The following SMIM43 variants were observed in gnomAD, a reference collection of about 807,000 sequenced individuals.
The protein encoded by SMIM43 is Nodal Enhanced MEsendoderm Peptide.
Position 121,759,667 on chromosome 4 carries a change from T to C in SMIM43, c.*1307A>G, listed in dbSNP as rs1036290598. On this transcript the variant is annotated 3_prime_UTR_variant, in exon 6 of 6. Transcript: ENST00000643802. The stretch of plus-strand genomic sequence containing the variant: ...TTCTTTGCTTAGCTAGGATGTAGGC[T>C]GCTTATAGAAGCAGCTTTGAGAGGC... 1.6e-4 allele frequency: 24 copies of C among 152,364 alleles called. No individual in the cohort carries two copies. The highest frequency in any genetic ancestry group is 5.8e-4 in the African/African-American group (24 of 41,582). 9.4% of individuals were successfully genotyped at this position (152,364 alleles called of 1,614,324 possible).
chr4:121,763,912 G>A lies in SMIM43; in HGVS notation c.*98-40C>T, dbSNP rs184708944. 4 of 152,300 alleles carry A rather than the reference G, an allele frequency of 2.6e-5. No homozygotes were observed. The East Asian group carries it at 7.7e-4, about 29-fold the overall frequency. 9.4% of individuals were successfully genotyped at this position (152,300 alleles called of 1,614,324 possible). A position where few individuals can be genotyped will look rare whatever the true frequency, so the allele number is the denominator to read the frequency against. On this transcript the variant is annotated intron_variant, in intron 1 of 5. Coordinates refer to ENST00000643802, the MANE Select transcript of SMIM43 (RefSeq NM_001384332.1). ...GACATAAATCTAGGGAAAAGCTACT[G>A]AAGGATGAAGATATTTCCCAAACTA... is the stretch of plus-strand genomic sequence containing the variant.
In SMIM43 at chr4:121,764,613, G is replaced by T. The variant is rs549987677; in HGVS notation, c.*97+204C>A. 40 of 315,746 alleles carry T rather than the reference G, an allele frequency of 1.3e-4. No homozygotes were observed. The Admixed American group carries it at 1.8e-3, about 14-fold the overall frequency. The allele number at this position is 315,746 out of a possible 1,614,324, so 19.6% of individuals were successfully genotyped here. A position where few individuals can be genotyped will look rare whatever the true frequency, so the allele number is the denominator to read the frequency against. ...GTCCAAAGTCATTCCGGCTCCAAAG[G>T]GCGAATTCTCTTTTCGCCATCTCTC... On this transcript the variant is annotated intron_variant, in intron 1 of 5. Coordinates refer to ENST00000643802, the MANE Select transcript of SMIM43 (RefSeq NM_001384332.1).
chr4:121,760,695 T>C (rs897460756), intron 5 of SMIM43, among the ~76,000 whole-genome samples: 4 of 152,204 alleles, frequency 2.6e-5, no homozygotes, highest in Admixed American at 2.6e-4. Context: ...GTGTGATTTT[T>C]CATCTGAAAG....
At chr4:121,760,794 A>G (rs1159050649) in intron 5 of SMIM43, among the ~76,000 whole-genome samples, 2 of 152,206 alleles carry the variant, frequency 1.3e-5, no homozygotes, top group African/African-American at 4.8e-5. Context: ...GTCGCAGATA[A>G]TGGTTTTAGC....
At position 121,765,112 on chromosome 4, in the gene SMIM43, G is replaced by A; in HGVS notation, c.-7C>T. The stretch of plus-strand genomic sequence containing the variant: ...AGTTGAGTTCCCACTCCATGCTGGA[G>A]GCGCCGGCGCTCGCTGGCCCTGCGC... On this transcript the variant is annotated 5_prime_UTR_variant, in exon 1 of 6. Coordinates refer to ENST00000643802, the MANE Select transcript of SMIM43 (RefSeq NM_001384332.1). The A allele has an allele frequency of 2.5e-6, 1 of 397,138 alleles. No individual in the cohort carries two copies. Among genetic ancestry groups the A allele is most frequent in the Non-Finnish European group, 4.4e-6 (1 of 224,900 alleles). 24.6% of individuals were successfully genotyped at this position (397,138 alleles called of 1,614,324 possible). A position where few individuals can be genotyped will look rare whatever the true frequency, so the allele number is the denominator to read the frequency against.
At chr4:121,760,520 C>G in intron 5 of SMIM43, 46 bp from the exon 6 acceptor site, 1 of 1,482,704 alleles carries the variant, frequency 6.7e-7, no homozygotes, top group South Asian at 1.4e-5. Flanking sequence ...CTTAATTAAG[C>G]CTGACACCCG....
intron 1 of SMIM43, chr4:121,764,166 C>T (rs1574283): frequency 0.096 from 14,588 of 152,276 alleles, 1,134 homozygotes; most frequent in African/African-American, 0.21. Flanking sequence ...ATGACTCTCA[C>T]TGTAACGTTC....
chr4:121,762,766 G>A lies in SMIM43; in HGVS notation c.*239C>T, dbSNP rs1452012341. ...AGTCTCTTGTTTAGGAAGAATGATGGGCAGGTTAAATTCATGGATACCAGT... is the reference window on the plus strand; with the variant it reads ...AGTCTCTTGTTTAGGAAGAATGATGAGCAGGTTAAATTCATGGATACCAGT... On this transcript the variant is annotated 3_prime_UTR_variant, in exon 3 of 6. Coordinates refer to ENST00000643802, the MANE Select transcript of SMIM43 (RefSeq NM_001384332.1). 6.6e-6 allele frequency: 1 copy of A among 152,128 alleles called. No homozygotes were observed. Among genetic ancestry groups the A allele is most frequent in the African/African-American group, 2.4e-5 (1 of 41,420 alleles). The allele number at this position is 152,128 out of a possible 1,614,324, so 9.4% of individuals were successfully genotyped here.
In SMIM43 at chr4:121,761,825, C is replaced by A. The variant is rs377198719; in HGVS notation, c.*341+5G>T. On this transcript the variant is annotated splice_donor_5th_base_variant and intron_variant, in intron 4 of 5. Coordinates refer to ENST00000643802, the MANE Select transcript of SMIM43 (RefSeq NM_001384332.1). Reference sequence around the variant, plus strand: ...CAAGTAGAACTGCAGATCCATTGCACTTACAAGTTTGGAAATTAGTGCAAC... The same window carrying A: ...CAAGTAGAACTGCAGATCCATTGCAATTACAAGTTTGGAAATTAGTGCAAC... 10 of 1,613,028 alleles carry A rather than the reference C, an allele frequency of 6.2e-6. No individual in the cohort carries two copies. The highest frequency in any genetic ancestry group is 1.3e-5 in the African/African-American group (1 of 74,910).
chr4:121,763,197 G>C (rs1350887568), intron 2 of SMIM43, among the ~76,000 whole-genome samples: 1 of 152,108 alleles, frequency 6.6e-6, no homozygotes, highest in African/African-American at 2.4e-5. Context: ...TAGAAAGTGG[G>C]AAATTATCTA....
intron 5 of SMIM43, 39 bp downstream of exon 5, chr4:121,761,499 G>A (rs771634581): frequency 1.6e-5 from 24 of 1,513,964 alleles, no homozygotes; most frequent in Non-Finnish European, 2.0e-5. Context: ...AATATAGAAT[G>A]TCAAACTAAA....
At position 121,759,687 on chromosome 4, in the gene SMIM43, A is replaced by T. The variant is rs1725948115; in HGVS notation, c.*1287T>A. The T allele has an allele frequency of 6.6e-6, 1 of 152,184 alleles. No homozygotes were observed. The highest frequency in any genetic ancestry group is 6.5e-5 in the Admixed American group (1 of 15,278). 9.4% of individuals were successfully genotyped at this position (152,184 alleles called of 1,614,324 possible). ...TAGGCTGCTTATAGAAGCAGCTTTGAGAGGCAATTCTTCTCCCAGGATATT... is the reference window on the plus strand; with the variant it reads ...TAGGCTGCTTATAGAAGCAGCTTTGTGAGGCAATTCTTCTCCCAGGATATT... On this transcript the variant is annotated 3_prime_UTR_variant, in exon 6 of 6. Transcript: ENST00000643802.
chr4:121,760,366 G>T lies in SMIM43; in HGVS notation c.*608C>A, dbSNP rs763374309. 3.6e-5 allele frequency: 58 copies of T among 1,612,292 alleles called. 1 individual carries two copies. Among genetic ancestry groups the T allele is most frequent in the Non-Finnish European group, 4.9e-5 (58 of 1,179,078 alleles). On this transcript the variant is annotated 3_prime_UTR_variant, in exon 6 of 6. Coordinates refer to ENST00000643802, the MANE Select transcript of SMIM43 (RefSeq NM_001384332.1). ...ATGAGATGAAGGCAAAAGTTATTGG[G>T]CTGCTGAGGAAGCTCTTTAAAAGGA...
intron 1 of SMIM43, 87 bp downstream of exon 1, chr4:121,764,730 C>A (rs746579171): frequency 7.6e-5 from 30 of 392,606 alleles, no homozygotes; most frequent in Non-Finnish European, 1.2e-4. Flanking sequence ...GAACGCGCTG[C>A]GAGCCCCGGG....
intron 5 of SMIM43, among the ~76,000 whole-genome samples, chr4:121,761,123 C>CAAA (rs10577662): frequency 6.8e-6 from 1 of 147,680 alleles, no homozygotes; most frequent in African/African-American, 2.5e-5. Context: ...CTGATTCAAA[C>CAAA]AAAAAAAAAA....
Position 121,764,877 on chromosome 4 carries a change from G to A in SMIM43, c.*37C>T. 2.5e-6 allele frequency: 1 copy of A among 397,982 alleles called. No individual in the cohort carries two copies. Among genetic ancestry groups the A allele is most frequent in the African/African-American group, 2.1e-5 (1 of 48,704 alleles). The allele number at this position is 397,982 out of a possible 1,614,324, so 24.7% of individuals were successfully genotyped here. ...GGCGGAGACCCAGCCCAGCGCCCGC[G>A]CAGCTCGGTGCCCTCCCGCCAGTGC... is the stretch of plus-strand genomic sequence containing the variant. On this transcript the variant is annotated 3_prime_UTR_variant, in exon 1 of 6. Coordinates refer to ENST00000643802, the MANE Select transcript of SMIM43 (RefSeq NM_001384332.1).
Position 121,765,075 on chromosome 4 carries a change from G to A in SMIM43, c.31C>T (p.Leu11=), listed in dbSNP as rs1468622822. The change falls in exon 1 of 6, where the codon CTG becomes TTG. Residue 11 remains leucine, a synonymous_variant. Coordinates refer to ENST00000643802, the MANE Select transcript of SMIM43 (RefSeq NM_001384332.1). MEWELNLLLY[L]ALFFFLLFLL... ...AAGAGCAGGAAGAAGAAGAGCGCCA[G>A]GTAGAGCAGCAAGTTGAGTTCCCAC... 1 of 398,182 alleles carries A rather than the reference G, an allele frequency of 2.5e-6. No individual in the cohort carries two copies. Among genetic ancestry groups the A allele is most frequent in the Non-Finnish European group, 4.4e-6 (1 of 225,544 alleles). 24.7% of individuals were successfully genotyped at this position (398,182 alleles called of 1,614,324 possible).
intron 5 of SMIM43, among the ~76,000 whole-genome samples, chr4:121,761,123 CAA>C (rs10577662): frequency 0.36 from 52,670 of 147,698 alleles, 11,333 homozygotes; most frequent in Admixed American, 0.53. Context: ...CTGATTCAAA[CAA>C]AAAAAAAAAA....
rs1347144436 is a variant in SMIM43 at position 121,759,029 on chromosome 4, C to T, written c.*1945G>A. On this transcript the variant is annotated 3_prime_UTR_variant, in exon 6 of 6. Transcript: ENST00000643802. ...ATACACAGAATAATCATTTAGCTGC[C>T]ACAATATTACAAAAATAAAATGACA... 2 of 152,020 alleles carry T rather than the reference C, an allele frequency of 1.3e-5. No individual in the cohort carries two copies. Among genetic ancestry groups the T allele is most frequent in the Non-Finnish European group, 2.9e-5 (2 of 68,008 alleles). The allele number at this position is 152,020 out of a possible 1,614,324, so 9.4% of individuals were successfully genotyped here.
Sources: allele counts gnomAD v4.1 joint callset (sites outside exome capture counted in the v4.1 genomes callset), GRCh38; gene constraint gnomAD v4.1.1; transcripts MANE v1.5; gene names NCBI Gene and HGNC (gene_info 2026-07-23, HGNC 2026-07-21).